Variants in NBEA observed in about 807,000 individuals in gnomAD.
NBEA encodes the protein neurobeachin.
In NBEA, 44 loss-of-function variants were observed where a neutral mutation model predicts 343.4. The ratio of observed to expected loss-of-function variants is 0.13; its 90% CI spans 0.10 to 0.16. NBEA has a LOEUF of 0.16. Ranked by LOEUF, NBEA falls within the 10% of genes least tolerant of loss-of-function variation. The pLI is 1.00. For synonymous variants in NBEA, 1,175 were observed against 1,238.7 expected, an observed-to-expected ratio of 0.95 and a Z score of 1.08; for missense variants, 2,555 against 3,631.3, an observed-to-expected ratio of 0.70 and a Z score of 7.62.
intron 44 of NBEA, 52 bp from the exon 45 acceptor site, chr13:35,566,853 T>C: frequency 1.0e-6 from 1 of 976,668 alleles, no homozygotes; most frequent in African/African-American, 1.6e-5. Context: ...ACAGAAACTA[T>C]TTCATAAGCA....
chr13:35,427,165 G>A (rs1243626142), intron 38 of NBEA, among the ~76,000 whole-genome samples: 11 of 152,202 alleles, frequency 7.2e-5, no homozygotes, highest in South Asian at 4.1e-4. Flanking sequence ...GCTTTGTTCC[G>A]TTGCTGGTGA....
intron 38 of NBEA, among the ~76,000 whole-genome samples, chr13:35,422,951 G>A (rs1268687186): frequency 6.6e-6 from 1 of 152,140 alleles, no homozygotes; most frequent in Non-Finnish European, 1.5e-5. Context: ...GTCTTCTTTT[G>A]AGAAGTGTCT....
chr13:35,168,763 TA>T (rs1264196487), intron 24 of NBEA, among the ~76,000 whole-genome samples: 1 of 151,364 alleles, frequency 6.6e-6, no homozygotes, highest in Non-Finnish European at 1.5e-5. Flanking sequence ...GTTACTACAA[TA>T]AAAATAAGTT....
intron 39 of NBEA, among the ~76,000 whole-genome samples, 194 bp downstream of exon 39, chr13:35,432,587 A>G (rs2045193187): frequency 6.6e-6 from 1 of 152,028 alleles, no homozygotes; most frequent in Admixed American, 6.6e-5. Flanking sequence ...GATTAGATAT[A>G]TTTTTGTAGC....
At chr13:35,555,446 A>G (rs2079532794) in intron 44 of NBEA, among the ~76,000 whole-genome samples, 1 of 152,150 alleles carries the variant, frequency 6.6e-6, no homozygotes, top group Non-Finnish European at 1.5e-5. Flanking sequence ...TAGCAGCTAG[A>G]CAGGAGAATA....
At chr13:35,267,828 TAAAAA>T (rs1218003591) in intron 34 of NBEA, among the ~76,000 whole-genome samples, 1 of 140,654 alleles carries the variant, frequency 7.1e-6, no homozygotes, top group Non-Finnish European at 1.6e-5. Context: ...GGGTACTATT[TAAAAA>T]AAAAAAAAGA....
chr13:35,330,929 C>G (rs917621623), intron 36 of NBEA, among the ~76,000 whole-genome samples: 4 of 151,884 alleles, frequency 2.6e-5, no homozygotes, highest in African/African-American at 9.7e-5. Context: ...AATTTTACAG[C>G]CTATGAAAAT....
intron 13 of NBEA, among the ~76,000 whole-genome samples, chr13:35,115,776 G>T (rs1389143006): frequency 6.6e-6 from 1 of 152,176 alleles, no homozygotes; most frequent in Non-Finnish European, 1.5e-5. Flanking sequence ...TTGAGTGCTT[G>T]TGATTAAAAT....
chr13:35,476,679 T>A (rs2075887353), intron 41 of NBEA: 8 of 828,656 alleles, frequency 9.7e-6, no homozygotes, highest in Non-Finnish European at 1.3e-5. Flanking sequence ...GAAGCTGCTG[T>A]TGGTTTGTCT....
At position 35,274,812 on chromosome 13, in the gene NBEA, C is replaced by A. The variant is rs1344457257; in HGVS notation, c.5777-15577C>A. Among the ~76,000 whole-genome samples, 4 of 152,198 alleles carry A rather than the reference C, an allele frequency of 2.6e-5. No homozygotes were observed. In the East Asian group the frequency reaches 7.7e-4, roughly 29 times the overall value. On this transcript the variant is annotated intron_variant, in intron 34 of 58. Coordinates refer to ENST00000379939, the MANE Select transcript of NBEA (RefSeq NM_001385012.1). ...ACAACTTATAAAGGATGTGAAGGAC[C>A]TCTTCAAGGAGAACTACAAACCACT...
chr13:35,365,459 C>T (rs1053839726), intron 38 of NBEA, among the ~76,000 whole-genome samples: 4 of 151,660 alleles, frequency 2.6e-5, no homozygotes, highest in Admixed American at 6.6e-5. Context: ...GTGAGGCTAT[C>T]ACAGTCTCTT....
At chr13:35,655,196 G>A (rs1374539809) in intron 54 of NBEA, among the ~76,000 whole-genome samples, 186 bp downstream of exon 54, 7 of 152,154 alleles carry the variant, frequency 4.6e-5, no homozygotes, top group South Asian at 2.1e-4. Context: ...CCGAACGTTA[G>A]CATGATCCCA....
At chr13:35,284,197 A>G (rs1031900097) in intron 34 of NBEA, among the ~76,000 whole-genome samples, 6 of 152,308 alleles carry the variant, frequency 3.9e-5, no homozygotes, top group Non-Finnish European at 7.4e-5. Flanking sequence ...ACCTTTACAG[A>G]AAAAGTTTGC....
intron 37 of NBEA, among the ~76,000 whole-genome samples, chr13:35,350,925 A>C (rs2040165856): frequency 1.3e-5 from 2 of 151,944 alleles, no homozygotes; most frequent in East Asian, 3.9e-4. Flanking sequence ...TTCACAGTTA[A>C]GTTTTTTTAG....
chr13:35,558,094 G>T (rs191525773), intron 44 of NBEA, among the ~76,000 whole-genome samples: 98 of 152,248 alleles, frequency 6.4e-4, no homozygotes, highest in African/African-American at 2.3e-3. Flanking sequence ...TAGCATTAGT[G>T]CTATAAGGGG....
intron 33 of NBEA, among the ~76,000 whole-genome samples, chr13:35,223,531 CTTTA>C (rs2074490573): frequency 6.6e-6 from 1 of 152,040 alleles, no homozygotes; most frequent in Non-Finnish European, 1.5e-5. Context: ...TGGAATGTGT[CTTTA>C]TTCTCTGAAT....
At chr13:35,032,316 T>G (rs528387505) in intron 1 of NBEA, among the ~76,000 whole-genome samples, 2 of 151,986 alleles carry the variant, frequency 1.3e-5, no homozygotes, top group East Asian at 3.9e-4. Context: ...GCACCTGTTA[T>G]TTTTGACTTT....
intron 34 of NBEA, among the ~76,000 whole-genome samples, chr13:35,255,592 G>A (rs1012160346): frequency 2.0e-5 from 3 of 152,204 alleles, no homozygotes; most frequent in Admixed American, 6.5e-5. Flanking sequence ...TGCATCATAC[G>A]CAGCTTCCAC....
chr13:35,157,309 T>C (rs769487465), intron 21 of NBEA, 39 bp downstream of exon 21: 2 of 1,409,866 alleles, frequency 1.4e-6, no homozygotes, highest in South Asian at 1.7e-5. Context: ...ATCAGAGTTA[T>C]TGCAGTGGAT....
Sources: gnomAD v4.1 joint callset for allele counts (sites outside exome capture counted in the v4.1 genomes callset) on GRCh38, gnomAD v4.1.1 for gene constraint, MANE v1.5 for transcripts, NCBI Gene and HGNC (gene_info 2026-07-23, HGNC 2026-07-21) for gene names.